The following CCNC variants were observed in gnomAD, a reference collection of about 807,000 sequenced individuals.
CCNC encodes cyclin C.
A neutral mutation model predicts 50.0 loss-of-function variants in CCNC; 19 were observed. That is an observed-to-expected ratio of 0.38 (90% CI 0.27 to 0.56). The LOEUF is 0.56. CCNC is among the 20% of genes least tolerant of loss of function. The pLI is 0.72. For synonymous variants in CCNC, 93 were observed against 103.7 expected (o/e 0.90, Z 0.63); for missense variants, 200 against 327.1 (o/e 0.61, Z 3.00).
intron 9 of CCNC, among the ~76,000 whole-genome samples, chr6:99,547,467 A>G (rs945658468): frequency 4.0e-5 from 6 of 151,764 alleles, no homozygotes; most frequent in Admixed American, 3.9e-4. Flanking sequence ...TGAAGAGCTG[A>G]TATCTAAGCC....
At chr6:99,552,802 G>A (rs1328787733) in intron 5 of CCNC, among the ~76,000 whole-genome samples, 10 of 152,118 alleles carry the variant, frequency 6.6e-5, no homozygotes, top group African/African-American at 2.4e-4. Context: ...CAGCACTTTG[G>A]GAGGCCAAGG....
At chr6:99,543,778 C>T (rs1410100350) in intron 11 of CCNC, 169 bp from the exon 12 acceptor site, 1 of 1,415,774 alleles carries the variant, frequency 7.1e-7, no homozygotes, top group African/African-American at 1.4e-5. Flanking sequence ...GACTAACAAA[C>T]ATTGGTTTTA....
chr6:99,568,721 G>A, upstream of CCNC: 1 of 1,427,518 alleles, frequency 7.0e-7, no homozygotes, highest in Non-Finnish European at 9.1e-7. Context: ...ACTCAACTGT[G>A]CAAACCCGTT....
chr6:99,566,986 T>G (rs1465995472), intron 1 of CCNC: 7 of 453,312 alleles, frequency 1.5e-5, no homozygotes. Context: ...GATAAGAAAC[T>G]CCATGACTGC....
intron 1 of CCNC, chr6:99,566,941 A>G: frequency 2.2e-6 from 1 of 454,286 alleles, no homozygotes; most frequent in South Asian, 1.6e-5. Flanking sequence ...GTTTTTCCAG[A>G]ATTGTCTTGT....
chr6:99,566,076 A>G (rs1412613583), intron 1 of CCNC, among the ~76,000 whole-genome samples: 1 of 152,018 alleles, frequency 6.6e-6, no homozygotes, highest in African/African-American at 2.4e-5. Context: ...TGGCTTTCAA[A>G]TTTAAAACCC....
At chr6:99,560,876 G>A (rs1199368256) in intron 4 of CCNC, among the ~76,000 whole-genome samples, 1 of 152,220 alleles carries the variant, frequency 6.6e-6, no homozygotes. Flanking sequence ...GGGAAGACAG[G>A]AGAAGATAAG....
At chr6:99,560,609 T>TA (rs1478920253) in intron 4 of CCNC, among the ~76,000 whole-genome samples, 1 of 152,224 alleles carries the variant, frequency 6.6e-6, no homozygotes, top group African/African-American at 2.4e-5. Flanking sequence ...AAAGACTACA[T>TA]TATTTATGAA....
chr6:99,562,291 C>G (rs575583728), intron 2 of CCNC: 1 of 152,458 alleles, frequency 6.6e-6, no homozygotes, highest in East Asian at 1.9e-4. Flanking sequence ...TCCCAAAGTG[C>G]TAAGATTACA....
At chr6:99,548,427 G>A (rs531854596) in intron 9 of CCNC, among the ~76,000 whole-genome samples, 8 of 152,240 alleles carry the variant, frequency 5.3e-5, no homozygotes, top group African/African-American at 1.9e-4. Context: ...AGAAGGCCAA[G>A]AAACATCAAC....
rs1801962091 is a variant in CCNC, at chr6:99,543,741, A to C, written c.798-132T>G. On this transcript the variant is annotated intron_variant, in intron 11 of 11. Transcript: ENST00000520429. ...CAAAACAAAGACATTCCTCATTATA[A>C]GACACGTGAAAAATTAAAATCCAGA... is the stretch of plus-strand genomic sequence containing the variant. The C allele has an allele frequency of 7.6e-6, 11 of 1,450,500 alleles. No individual in the cohort carries two copies. The Admixed American group carries it at 1.3e-4, about 18-fold the overall frequency. 89.9% of individuals were successfully genotyped at this position (1,450,500 alleles called of 1,614,324 possible).
chr6:99,544,378 C>A, intron 11 of CCNC: 3 of 944,026 alleles, frequency 3.2e-6, no homozygotes, highest in Non-Finnish European at 4.7e-6. Context: ...TTATGAGTAG[C>A]AATCCATAAA....
Position 99,543,426 on chromosome 6 carries a change from A to G in CCNC, c.*129T>C. 1 of 969,956 alleles carries G rather than the reference A, an allele frequency of 1.0e-6. No individual in the cohort carries two copies. Among genetic ancestry groups the G allele is most frequent in the Non-Finnish European group, 1.5e-6 (1 of 649,120 alleles). 60.1% of individuals were successfully genotyped at this position (969,956 alleles called of 1,614,324 possible). On this transcript the variant is annotated 3_prime_UTR_variant, in exon 12 of 12. Coordinates refer to ENST00000520429, the MANE Select transcript of CCNC (RefSeq NM_005190.4). ...AAAGAAAAACTTATTTTGCAAAAATAAAATCACTTTCCAATATGCTTGACA... is the reference window on the plus strand; with the variant it reads ...AAAGAAAAACTTATTTTGCAAAAATGAAATCACTTTCCAATATGCTTGACA...
chr6:99,547,659 A>G (rs1229889642), intron 9 of CCNC, among the ~76,000 whole-genome samples: 1 of 152,182 alleles, frequency 6.6e-6, no homozygotes, highest in Admixed American at 6.5e-5. Context: ...GCTTCTACCC[A>G]CTAGATGCTA....
intron 1 of CCNC, 110 bp from the exon 2 acceptor site, chr6:99,563,058 A>C: frequency 1.5e-6 from 1 of 657,078 alleles, no homozygotes; most frequent in South Asian, 1.8e-5. Context: ...AGTAACCTTA[A>C]AGACAATTAT....
intron 5 of CCNC, 43 bp downstream of exon 5, chr6:99,558,454 T>C: frequency 5.6e-6 from 9 of 1,605,602 alleles, no homozygotes; most frequent in South Asian, 2.3e-5. Flanking sequence ...TGGAGCTTTC[T>C]TTAGAATTAC....
intron 3 of CCNC, 55 bp downstream of exon 3, chr6:99,561,542 A>G (rs186596792): frequency 2.1e-6 from 3 of 1,400,326 alleles, no homozygotes; most frequent in Admixed American, 1.8e-5. Flanking sequence ...ACACTGTGCT[A>G]AGGTTCATCA....
chr6:99,544,674 A>G (rs1802004507), intron 11 of CCNC, among the ~76,000 whole-genome samples: 1 of 151,952 alleles, frequency 6.6e-6, no homozygotes, highest in Non-Finnish European at 1.5e-5. Flanking sequence ...TATCTTTACA[A>G]TATCAGATCA....
rs1801950479 is a variant in CCNC at position 99,543,446 on chromosome 6, T to C, written c.*109A>G. The C allele has an allele frequency of 1.6e-6, 2 of 1,213,678 alleles. No individual in the cohort carries two copies. Among genetic ancestry groups the C allele is most frequent in the Admixed American group, 2.0e-5 (1 of 51,030 alleles). The allele number at this position is 1,213,678 out of a possible 1,614,324, so 75.2% of individuals were successfully genotyped here. ...AAAATAAAATCACTTTCCAATATGC[T>C]TGACAGAAACAAGCTATTCATTTTC... is the stretch of plus-strand genomic sequence containing the variant. On this transcript the variant is annotated 3_prime_UTR_variant, in exon 12 of 12. Coordinates refer to ENST00000520429, the MANE Select transcript of CCNC (RefSeq NM_005190.4).
Sources: gnomAD v4.1 joint callset for allele counts (sites outside exome capture counted in the v4.1 genomes callset) on GRCh38, gnomAD v4.1.1 for gene constraint, MANE v1.5 for transcripts, NCBI Gene and HGNC (gene_info 2026-07-23, HGNC 2026-07-21) for gene names.